Variants in RBCK1 observed in about 807,000 individuals in gnomAD.
RBCK1 encodes the protein RANBP2-type and C3HC4-type zinc finger containing 1, also known as ranBP-type and C3HC4-type zinc finger-containing protein 1.
Under a neutral mutation model 71.1 loss-of-function variants are expected in RBCK1, and 44 were observed. That is an observed-to-expected ratio of 0.62 (90% confidence interval 0.49 to 0.80). RBCK1 has a LOEUF of 0.80. Among genes scored for constraint, RBCK1 ranks in the 30% least tolerant of loss-of-function variants. The probability of loss-of-function intolerance (pLI) is 0.00; values close to 1 mark genes in which losing one functional copy is unlikely to be tolerated. For synonymous variants in RBCK1, 306 were observed against 279.7 expected (o/e 1.09, Z -0.94); for missense variants, 569 against 685.0 (o/e 0.83, Z 1.89).
rs577066591 is a variant in RBCK1, at chr20:414,660, T to C, written c.168-2866T>C. 9.3e-4 allele frequency among the ~76,000 whole-genome samples: 142 copies of C among 152,356 alleles called. No homozygotes were observed. In the Middle Eastern group the frequency reaches 0.024, roughly 26 times the overall value. ...AGGCCTTTATGCTTTGCCTCTAGGT[T>C]GATTCTAAAAGTGTAACACTACTAG... On this transcript the variant is annotated intron_variant, in intron 2 of 11. Transcript: ENST00000356286.
chr20:410,426 A>T, intron 2 of RBCK1: 1 of 779,730 alleles, frequency 1.3e-6, no homozygotes, highest in Non-Finnish European at 2.4e-6. Flanking sequence ...CTCATGGTGC[A>T]AAATGGCCAT....
Position 422,050 on chromosome 20 carries a change from C to A in RBCK1, c.918-77C>A. 8.6e-7 allele frequency: 1 copy of A among 1,166,368 alleles called. No homozygotes were observed. Among genetic ancestry groups the A allele is most frequent in the South Asian group, 1.3e-5 (1 of 78,282 alleles). 72.3% of individuals were successfully genotyped at this position (1,166,368 alleles called of 1,614,324 possible). A position where few individuals can be genotyped will look rare whatever the true frequency, so the allele number is the denominator to read the frequency against. On this transcript the variant is annotated intron_variant, in intron 7 of 11. Coordinates refer to ENST00000356286, the MANE Select transcript of RBCK1 (RefSeq NM_031229.4). This position sits in a 1 kb window ranked among gnomAD's most constrained non-coding sequence, Gnocchi z 5.0. ...ACTGAGTGAGGCCCCTGGGGTCAGG[C>A]CTTGCCATGTGAGGGATGGAGTCCC...
intron 11 of RBCK1, among the ~76,000 whole-genome samples, chr20:429,923 G>A (rs2016933662): frequency 1.3e-5 from 2 of 152,188 alleles, no homozygotes; most frequent in Non-Finnish European, 2.9e-5. Context: ...CAGGCTTGTT[G>A]TCAGAATCAA....
At position 417,037 on chromosome 20, in the gene RBCK1, T is replaced by G. The variant is rs2016029587; in HGVS notation, c.168-489T>G. ...AATGAATCCTGCCTCTAACAGTTAT[T>G]AGTTGCTTAGTTTGGCAGAGTCACT... On this transcript the variant is annotated intron_variant, in intron 2 of 11. Coordinates refer to ENST00000356286, the MANE Select transcript of RBCK1 (RefSeq NM_031229.4). The surrounding 1 kb of genome is among the most constrained non-coding windows in gnomAD (Gnocchi z 4.7). 6.6e-6 allele frequency among the ~76,000 whole-genome samples: 1 copy of G among 152,186 alleles called. No individual in the cohort carries two copies. Among genetic ancestry groups the G allele is most frequent in the Admixed American group, 6.5e-5 (1 of 15,274 alleles).
chr20:426,265 T>C (rs2016708982), intron 8 of RBCK1, among the ~76,000 whole-genome samples: 1 of 152,192 alleles, frequency 6.6e-6, no homozygotes, highest in South Asian at 2.1e-4. Flanking sequence ...ATTAAATTAT[T>C]GGCTACAGTC....
chr20:421,801 G>C, intron 7 of RBCK1: 1 of 319,524 alleles, frequency 3.1e-6, no homozygotes, highest in Non-Finnish European at 5.9e-6. Context: ...TGGGTAGGAT[G>C]GGAGTCACTG....
intron 8 of RBCK1, among the ~76,000 whole-genome samples, chr20:424,220 G>A (rs147982960): frequency 6.6e-6 from 1 of 152,318 alleles, no homozygotes; most frequent in African/African-American, 2.4e-5. Context: ...TCTCTGCCTG[G>A]CTGCTGGTGA....
rs1408297196 is a variant in RBCK1, at chr20:427,936, T to C, written c.1209+444T>C. ...ACTGAATCTGTGACAGACTAAGGCC[T>C]GACCCTGGCCCTATACCACGTCTCC... On this transcript the variant is annotated intron_variant, in intron 9 of 11. Transcript: ENST00000356286. 5.3e-5 allele frequency among the ~76,000 whole-genome samples: 8 copies of C among 152,304 alleles called. No homozygotes were observed. The East Asian group carries it at 1.5e-3, about 29-fold the overall frequency.
rs772796019 is a variant in RBCK1, at chr20:419,359, A to G, written c.473A>G (p.Lys158Arg). 1.1e-5 allele frequency: 17 copies of G among 1,612,272 alleles called. No individual in the cohort carries two copies. Among genetic ancestry groups the G allele is most frequent in the Admixed American group, 1.0e-4 (6 of 60,006 alleles). The change falls in exon 5 of 12, where the codon AAG becomes AGG. Residue 158 changes from lysine to arginine, a missense_variant. Physicochemically the swap from Lys to Arg is conservative, Grantham distance 26. Coordinates refer to ENST00000356286, the MANE Select transcript of RBCK1 (RefSeq NM_031229.4). ...CCCTCCTCCACAGATCTGGGCTTCAAGGACCTCACGCTGCAGCCGCGGGGC... is the reference window on the plus strand; with the variant it reads ...CCCTCCTCCACAGATCTGGGCTTCAGGGACCTCACGCTGCAGCCGCGGGGC... ...QLRMLEDLGF[K>R]DLTLQPRGPL...
Position 408,580 on chromosome 20 carries a change from A to G in RBCK1, c.-178A>G. On this transcript the variant is annotated 5_prime_UTR_variant, in exon 1 of 12. Coordinates refer to ENST00000356286, the MANE Select transcript of RBCK1 (RefSeq NM_031229.4). ...CAGGATCCCGGCCTGGTCACCGGGCAGTGTGATGCTTCCCGACTGCCGCGG... is the reference window on the plus strand; with the variant it reads ...CAGGATCCCGGCCTGGTCACCGGGCGGTGTGATGCTTCCCGACTGCCGCGG... 1 of 750,198 alleles carries G rather than the reference A, an allele frequency of 1.3e-6. No homozygotes were observed. Among genetic ancestry groups the G allele is most frequent in the Non-Finnish European group, 2.3e-6 (1 of 441,440 alleles). 46.5% of individuals were successfully genotyped at this position (750,198 alleles called of 1,614,324 possible). A position where few individuals can be genotyped will look rare whatever the true frequency, so the allele number is the denominator to read the frequency against.
intron 8 of RBCK1, among the ~76,000 whole-genome samples, chr20:424,732 A>C (rs1465336364): frequency 6.6e-6 from 1 of 152,160 alleles, no homozygotes; most frequent in Non-Finnish European, 1.5e-5. Flanking sequence ...ACCCCAGCCA[A>C]GGGGCATTAT....
Position 417,225 on chromosome 20 carries a change from G to A in RBCK1, c.168-301G>A, listed in dbSNP as rs867816443. 1.7e-6 allele frequency: 1 copy of A among 601,976 alleles called. No homozygotes were observed. The highest frequency in any genetic ancestry group is 2.1e-5 in the Admixed American group (1 of 47,522). 37.3% of individuals were successfully genotyped at this position (601,976 alleles called of 1,614,324 possible). On this transcript the variant is annotated intron_variant, in intron 2 of 11. Transcript: ENST00000356286. The surrounding 1 kb of genome is among the most constrained non-coding windows in gnomAD (Gnocchi z 4.7). ...CTTCTGGTGGTTTCACTAAGGAGCA[G>A]GGGAGAGAAGACAGAAGAGGTTGGA...
Position 417,362 on chromosome 20 carries a change from G to A in RBCK1, c.168-164G>A, listed in dbSNP as rs764058033. On this transcript the variant is annotated intron_variant, in intron 2 of 11. Transcript: ENST00000356286. The surrounding 1 kb of genome is among the most constrained non-coding windows in gnomAD (Gnocchi z 4.7). ...TAACTGGTGGGTTCTAATAAAGGAA[G>A]AAGCATGGGTGGGGCCTACCCCAGA... 1.3e-6 allele frequency: 1 copy of A among 755,596 alleles called. No individual in the cohort carries two copies. The highest frequency in any genetic ancestry group is 2.4e-6 in the Non-Finnish European group (1 of 412,128). 46.8% of individuals were successfully genotyped at this position (755,596 alleles called of 1,614,324 possible). A position where few individuals can be genotyped will look rare whatever the true frequency, so the allele number is the denominator to read the frequency against.
At chr20:418,645 G>A (rs1393194721) in intron 4 of RBCK1, among the ~76,000 whole-genome samples, 4 of 152,226 alleles carry the variant, frequency 2.6e-5, no homozygotes, top group East Asian at 1.9e-4. Context: ...TGGGATTACA[G>A]GCGTGAGCCA....
rs945111066 is a variant in RBCK1, at chr20:421,009, G to A, written c.895G>A (p.Glu299Lys). Residue 299 changes from glutamate to lysine, a missense_variant, in exon 7 of 12, where the codon GAG becomes AAG. Glu to Lys is a moderately conservative substitution (Grantham distance 56, BLOSUM62 1). This residue lies in a region of RBCK1 where 211 missense variants were observed against 309.4 expected (regional missense o/e 0.68). Coordinates refer to ENST00000356286, the MANE Select transcript of RBCK1 (RefSeq NM_031229.4). ...GCCCGGCGAGGCCGTGGTGCTGCGT[G>A]AGTGTCTGCACACCTTCTGCAGGTG... ...LAPGEAVVLR[E>K]CLHTFCRECL... The A allele has an allele frequency of 6.4e-7, 1 of 1,567,040 alleles. No individual in the cohort carries two copies. The highest frequency in any genetic ancestry group is 8.6e-7 in the Non-Finnish European group (1 of 1,157,084).
At chr20:411,531 C>G (rs1033235062) in intron 2 of RBCK1, among the ~76,000 whole-genome samples, 2 of 152,170 alleles carry the variant, frequency 1.3e-5, no homozygotes, top group African/African-American at 4.8e-5. Context: ...CCACGCCCAG[C>G]TAATTTTTTG....
intron 2 of RBCK1, among the ~76,000 whole-genome samples, chr20:414,782 T>C (rs1466297976): frequency 2.0e-5 from 3 of 152,250 alleles, no homozygotes; most frequent in East Asian, 1.9e-4. Context: ...AAAACCCTTA[T>C]TGCTGGAAGA....
chr20:421,900 G>T, intron 7 of RBCK1: 3 of 527,316 alleles, frequency 5.7e-6, no homozygotes, highest in South Asian at 5.1e-5. Context: ...TCACCCAGGT[G>T]GGGGATGTGG....
rs1351461047 is a variant in RBCK1, at chr20:427,378, T to C, written c.1095T>C (p.Ser365=). The C allele has an allele frequency of 6.2e-7, 1 of 1,614,066 alleles. No individual in the cohort carries two copies. Among genetic ancestry groups the C allele is most frequent in the African/African-American group, 1.3e-5 (1 of 74,922 alleles). ...DLGISIAENR[S]AFSYHCKTPD... Reference sequence around the variant, plus strand: ...GCATCTCCATTGCTGAAAACCGCAGTGCCTTCAGCTACCATTGCAAGACCC... The same window carrying C: ...GCATCTCCATTGCTGAAAACCGCAGCGCCTTCAGCTACCATTGCAAGACCC... The change falls in exon 9 of 12, where the codon AGT becomes AGC. Residue 365 remains serine (S), a synonymous_variant. Transcript: ENST00000356286.
Sources: allele counts gnomAD v4.1 joint callset (sites outside exome capture counted in the v4.1 genomes callset), GRCh38; gene constraint gnomAD v4.1.1; regional missense constraint gnomAD v4.1.1; non-coding constraint Gnocchi (gnomAD v3.1); transcripts MANE v1.5; gene names NCBI Gene and HGNC (gene_info 2026-07-23, HGNC 2026-07-21).